CXCL13: variants seen among roughly 807,000 people sequenced by gnomAD.
CXCL13 encodes the protein C-X-C motif chemokine ligand 13.
In CXCL13, 7 loss-of-function variants were observed where a neutral mutation model predicts 12.2. The observed-to-expected ratio is 0.57, with a 90% CI of 0.33 to 1.07. The LOEUF (loss-of-function observed/expected upper bound fraction) is 1.07. Among genes scored for constraint, CXCL13 ranks in the 50% least tolerant of loss-of-function variants. The pLI is 0.04. For missense variants in CXCL13, 113 were observed against 127.4 expected, an observed-to-expected ratio of 0.89 and a Z score of 0.55; for synonymous variants, 47 against 42.4, an observed-to-expected ratio of 1.11 and a Z score of -0.42.
At chr4:77,589,504 C>A (rs569169494) in intron 1 of CXCL13, among the ~76,000 whole-genome samples, 1 of 151,978 alleles carries the variant, frequency 6.6e-6, no homozygotes, top group African/African-American at 2.4e-5. Context: ...TAATCTCTTA[C>A]CGTGCCTAAT....
chr4:77,515,061 G>A (rs1402682432), intron 1 of CXCL13, among the ~76,000 whole-genome samples: 1 of 152,106 alleles, frequency 6.6e-6, no homozygotes, highest in Non-Finnish European at 1.5e-5. Flanking sequence ...TATTAAATAG[G>A]GAATCCTTTC....
chr4:77,533,821 G>T (rs546530937), intron 1 of CXCL13, among the ~76,000 whole-genome samples: 2 of 152,316 alleles, frequency 1.3e-5, no homozygotes, highest in South Asian at 4.1e-4. Flanking sequence ...ATGGGCATAG[G>T]ACCCTCTGAG....
upstream of CXCL13, among the ~76,000 whole-genome samples, chr4:77,605,153 T>G (rs1409794955): frequency 6.6e-6 from 1 of 152,168 alleles, no homozygotes; most frequent in African/African-American, 2.4e-5. Flanking sequence ...GAGATTCTCT[T>G]CCTCAAGGCT....
chr4:77,530,009 C>G (rs1025719339), intron 1 of CXCL13, among the ~76,000 whole-genome samples: 5 of 152,080 alleles, frequency 3.3e-5, no homozygotes, highest in Non-Finnish European at 7.4e-5. Flanking sequence ...TTGTCAAAGG[C>G]CTTTCTTGCA....
At chr4:77,538,130 G>T (rs1215903928) in intron 1 of CXCL13, among the ~76,000 whole-genome samples, 1 of 152,140 alleles carries the variant, frequency 6.6e-6, no homozygotes, top group Non-Finnish European at 1.5e-5. Flanking sequence ...CTAAAACCAA[G>T]ATACCTCTGG....
intron 1 of CXCL13, among the ~76,000 whole-genome samples, chr4:77,530,541 A>C (rs964007873): frequency 6.6e-6 from 1 of 152,122 alleles, no homozygotes; most frequent in African/African-American, 2.4e-5. Context: ...CATTTCGTCT[A>C]GATTTTCTAG....
intron 1 of CXCL13, among the ~76,000 whole-genome samples, chr4:77,563,205 G>A (rs1463207977): frequency 3.3e-5 from 5 of 151,980 alleles, no homozygotes; most frequent in Non-Finnish European, 5.9e-5. Flanking sequence ...AACGCTCACC[G>A]GGAGGGTCCG....
chr4:77,604,552 A>G (rs1022745119), upstream of CXCL13, among the ~76,000 whole-genome samples: 1 of 151,954 alleles, frequency 6.6e-6, no homozygotes, highest in Non-Finnish European at 1.5e-5. Context: ...CAACACAAGC[A>G]TAAACAAACT....
intron 1 of CXCL13, among the ~76,000 whole-genome samples, chr4:77,589,493 T>C (rs769429212): frequency 6.6e-5 from 10 of 152,184 alleles, no homozygotes; most frequent in Admixed American, 1.3e-4. Context: ...TTTGTTACTA[T>C]TAATCTCTTA....
At chr4:77,560,738 T>C (rs1725792041) in intron 1 of CXCL13, among the ~76,000 whole-genome samples, 1 of 152,222 alleles carries the variant, frequency 6.6e-6, no homozygotes, top group African/African-American at 2.4e-5. Flanking sequence ...TCACGCACGG[T>C]CTTTCACACC....
At chr4:77,535,046 C>T (rs558074168) in intron 1 of CXCL13, among the ~76,000 whole-genome samples, 1 of 152,266 alleles carries the variant, frequency 6.6e-6, no homozygotes, top group Admixed American at 6.5e-5. Context: ...CCAAGCATGG[C>T]TTTTTCATGG....
chr4:77,604,117 A>G (rs1726950665), upstream of CXCL13, among the ~76,000 whole-genome samples: 1 of 152,146 alleles, frequency 6.6e-6, no homozygotes, highest in Admixed American at 6.5e-5. Context: ...GCCTCTACTG[A>G]TAACCTCCTC....
intron 1 of CXCL13, among the ~76,000 whole-genome samples, chr4:77,596,793 AAAAAAAAAAAG>A (rs1726773943): frequency 6.8e-6 from 1 of 147,728 alleles, no homozygotes; most frequent in Non-Finnish European, 1.5e-5. Flanking sequence ...CTCAAAAAAA[AAAAAAAAAAAG>A]AAAAGAAAAA....
rs185138163 is a variant in CXCL13 at position 77,533,299 on chromosome 4, C to T, written c.-43+21511C>T. Among the ~76,000 whole-genome samples, 33 of 152,322 alleles carry T rather than the reference C, an allele frequency of 2.2e-4. No homozygotes were observed. In the East Asian group the frequency reaches 2.9e-3, roughly 13 times the overall value. On this transcript the variant is annotated intron_variant, in intron 1 of 4. Transcript: ENST00000286758. ...TCTGTTGGAGTTTGCTGGAGGTCTA[C>T]GCCAGACCCTGTTTGCCTGGGTATC... is the stretch of plus-strand genomic sequence containing the variant.
chr4:77,525,605 A>C (rs904620297), intron 1 of CXCL13, among the ~76,000 whole-genome samples: 3 of 152,054 alleles, frequency 2.0e-5, no homozygotes, highest in East Asian at 3.9e-4. Flanking sequence ...AACATATGAC[A>C]CAGTTGAGTC....
chr4:77,572,473 A>G (rs1293477605), intron 1 of CXCL13, among the ~76,000 whole-genome samples: 1 of 151,886 alleles, frequency 6.6e-6, no homozygotes, highest in Non-Finnish European at 1.5e-5. Flanking sequence ...GTGGTCAACA[A>G]TCGTATGAAA....
intron 1 of CXCL13, among the ~76,000 whole-genome samples, chr4:77,542,601 G>A (rs759346203): frequency 2.0e-5 from 3 of 151,924 alleles, no homozygotes; most frequent in Non-Finnish European, 4.4e-5. Flanking sequence ...ATTTGGGTGG[G>A]GACACAGATG....
chr4:77,602,713 A>G (rs1726906735), upstream of CXCL13, among the ~76,000 whole-genome samples: 1 of 152,208 alleles, frequency 6.6e-6, no homozygotes, highest in Non-Finnish European at 1.5e-5. Flanking sequence ...GATATAAACC[A>G]AGTTATGTAT....
At chr4:77,544,264 T>A (rs1050720766) in intron 1 of CXCL13, among the ~76,000 whole-genome samples, 7 of 152,196 alleles carry the variant, frequency 4.6e-5, no homozygotes, top group African/African-American at 1.7e-4. Context: ...ATATACCAAG[T>A]AATGGGATGG....
Sources: allele counts gnomAD v4.1 joint callset (sites outside exome capture counted in the v4.1 genomes callset), GRCh38; gene constraint gnomAD v4.1.1; transcripts MANE v1.5; gene names NCBI Gene and HGNC (gene_info 2026-07-23, HGNC 2026-07-21).